VPS13D: variants seen among roughly 807,000 people sequenced by gnomAD.
VPS13D encodes the protein intermembrane lipid transfer protein VPS13D.
Under a neutral mutation model 461.9 loss-of-function variants are expected in VPS13D, and 187 were observed. The ratio of observed to expected loss-of-function variants is 0.40; its 90% CI spans 0.36 to 0.46. The LOEUF (loss-of-function observed/expected upper bound fraction) is 0.46, where lower values mean the gene tolerates loss of function less well. Among genes scored for constraint, VPS13D ranks in the 20% least tolerant of loss-of-function variants. The pLI, the probability that VPS13D is intolerant of heterozygous loss-of-function variation, is 0.60. For missense variants in VPS13D, 4,711 were observed against 5,364.9 expected (o/e 0.88, Z 3.81); for synonymous variants, 1,951 against 1,986.3 (o/e 0.98, Z 0.47).
chr1:12,400,962 G>GCACACA lies in VPS13D; in HGVS notation c.11785-609_11785-604dup, dbSNP rs55998605. Reference sequence around the variant, plus strand: ...GAGTGAGATGTGCACCTGCGCGCGCGCACACACACACACACACACACACAC... The same window carrying GCACACA: ...GAGTGAGATGTGCACCTGCGCGCGCGCACACACACACACACACACACACACACACAC... On this transcript the variant is annotated intron_variant, in intron 61 of 69. Coordinates refer to ENST00000620676, the MANE Select transcript of VPS13D (RefSeq NM_015378.4). Among the ~76,000 whole-genome samples, 694 of 106,258 alleles carry GCACACA rather than the reference G, an allele frequency of 6.5e-3. 4 individuals carry two copies. Among genetic ancestry groups the GCACACA allele is most frequent in the Admixed American group, 0.014 (159 of 11,090 alleles). 69.7% of individuals were successfully genotyped at this position (106,258 alleles called of 152,430 possible). A position where few individuals can be genotyped will look rare whatever the true frequency, so the allele number is the denominator to read the frequency against.
At chr1:12,441,978 A>G (rs1399424569) in intron 65 of VPS13D, among the ~76,000 whole-genome samples, 2 of 151,832 alleles carry the variant, frequency 1.3e-5, no homozygotes, top group African/African-American at 4.8e-5. Flanking sequence ...TGTTATTGTC[A>G]TGTATTTTAG....
chr1:12,312,780 A>G (rs1642790650), intron 29 of VPS13D, among the ~76,000 whole-genome samples: 1 of 152,124 alleles, frequency 6.6e-6, no homozygotes, highest in Non-Finnish European at 1.5e-5. Flanking sequence ...AAGTTGCAGG[A>G]TTTTATATAA....
At chr1:12,271,830 T>C (rs1298845263) in intron 17 of VPS13D, among the ~76,000 whole-genome samples, 1 of 152,218 alleles carries the variant, frequency 6.6e-6, no homozygotes, top group Non-Finnish European at 1.5e-5. Flanking sequence ...ATTAGGTACT[T>C]TGTGATGCCA....
chr1:12,377,596 G>T (rs1295617268), intron 55 of VPS13D, among the ~76,000 whole-genome samples: 1 of 151,706 alleles, frequency 6.6e-6, no homozygotes, highest in African/African-American at 2.4e-5. Flanking sequence ...GAGGCAGACA[G>T]ATCACCTGAG....
intron 13 of VPS13D, among the ~76,000 whole-genome samples, chr1:12,264,052 A>G (rs1641194266): frequency 6.6e-6 from 1 of 152,186 alleles, no homozygotes; most frequent in Middle Eastern, 3.4e-3. Flanking sequence ...TTCCATTATT[A>G]TTCTGTCTCT....
intron 63 of VPS13D, among the ~76,000 whole-genome samples, chr1:12,414,658 G>A (rs1284312726): frequency 6.6e-6 from 1 of 152,190 alleles, no homozygotes; most frequent in Non-Finnish European, 1.5e-5. Context: ...CTGCTTCCAA[G>A]ATGGGGATAA....
At chr1:12,245,194 T>G (rs1406527363) in intron 5 of VPS13D, among the ~76,000 whole-genome samples, 1 of 152,228 alleles carries the variant, frequency 6.6e-6, no homozygotes, top group Admixed American at 6.5e-5. Context: ...TTTTGTTTCA[T>G]CCTCAAAAAC....
chr1:12,342,017 C>A, intron 41 of VPS13D, 132 bp downstream of exon 41: 1 of 744,196 alleles, frequency 1.3e-6, no homozygotes, highest in Non-Finnish European at 2.1e-6. Flanking sequence ...TGCTGTCTTG[C>A]TGAGATTTAT....
At position 12,333,292 on chromosome 1, in the gene VPS13D, T is replaced by A; in HGVS notation, c.8354T>A (p.Leu2785His). 1.2e-6 allele frequency: 2 copies of A among 1,614,148 alleles called. No individual in the cohort carries two copies. Among genetic ancestry groups the A allele is most frequent in the Non-Finnish European group, 1.7e-6 (2 of 1,179,986 alleles). ...TGGCAACAGCAGGCAGCTAGTCGTC[T>A]CCATCCTCCTCGACTGAAGCTAGAA... ...VSWQQQAASR[L>H]HPPRLKLEAK... The change falls in exon 38 of 70, where the codon CTC becomes CAC. Residue 2785 changes from leucine (L) to histidine (H), a missense_variant. This residue lies in a region of VPS13D where 4,411 missense variants were observed against 4,937.8 expected (regional missense o/e 0.89). Coordinates refer to ENST00000620676, the MANE Select transcript of VPS13D (RefSeq NM_015378.4).
At chr1:12,433,540 C>T (rs936543481) in intron 65 of VPS13D, among the ~76,000 whole-genome samples, 1 of 152,184 alleles carries the variant, frequency 6.6e-6, no homozygotes, top group African/African-American at 2.4e-5. Context: ...CCTGCCCTCC[C>T]GATGAACCCG....
At chr1:12,478,521 TAA>T (rs1263733809) in intron 67 of VPS13D, 9 of 293,156 alleles carry the variant, frequency 3.1e-5, no homozygotes, top group Admixed American at 2.4e-4. Context: ...CAAAAGTTTA[TAA>T]AGAGTCGAGG....
intron 66 of VPS13D, among the ~76,000 whole-genome samples, chr1:12,459,019 A>G (rs1645368025): frequency 6.6e-6 from 1 of 152,230 alleles, no homozygotes; most frequent in African/African-American, 2.4e-5. Context: ...ACCGAATTTC[A>G]TCAAAGCATG....
At chr1:12,417,248 G>A (rs969203567) in intron 65 of VPS13D, among the ~76,000 whole-genome samples, 4 of 152,204 alleles carry the variant, frequency 2.6e-5, no homozygotes, top group African/African-American at 9.7e-5. Flanking sequence ...CTTCTATAAT[G>A]ACAACAACCT....
At chr1:12,467,589 CT>C (rs1248927836) in intron 67 of VPS13D, among the ~76,000 whole-genome samples, 11 of 152,214 alleles carry the variant, frequency 7.2e-5, no homozygotes, top group Non-Finnish European at 1.3e-4. Flanking sequence ...TTCCCTCTCG[CT>C]GAACTCTAAA....
At chr1:12,329,777 A>G (rs1643282726) in intron 36 of VPS13D, 52 bp from the exon 37 acceptor site, 10 of 1,414,742 alleles carry the variant, frequency 7.1e-6, no homozygotes, top group South Asian at 7.0e-5. Flanking sequence ...AGCAAAAGGC[A>G]GTTTTGGTTG....
chr1:12,474,329 G>A (rs1445458865), intron 67 of VPS13D, among the ~76,000 whole-genome samples: 3 of 152,088 alleles, frequency 2.0e-5, no homozygotes, highest in African/African-American at 4.8e-5. Context: ...TTTTCCAGAC[G>A]CATGACAGTC....
rs777025400 is a variant in VPS13D, at chr1:12,358,563, T to A, written c.10103T>A (p.Ile3368Asn). ...AGTGGTGTCCGAGCTTTGAAAGTCA[T>A]CCAGCAAGGAAACCGCCCAGGGCTG... Reference protein sequence around the residue: ...GGSGVRALKVIQQGNRPGLIY... With the variant: ...GGSGVRALKVNQQGNRPGLIY... The change falls in exon 50 of 70, where the codon ATC (isoleucine) becomes AAC (asparagine). Residue 3368 changes from isoleucine (I) to asparagine (N), a missense_variant. Coordinates refer to ENST00000620676, the MANE Select transcript of VPS13D (RefSeq NM_015378.4). 1 of 1,614,158 alleles carries A rather than the reference T, an allele frequency of 6.2e-7. No individual in the cohort carries two copies. The highest frequency in any genetic ancestry group is 8.5e-7 in the Non-Finnish European group (1 of 1,180,034).
chr1:12,317,119 G>A (rs1383529694), intron 30 of VPS13D, among the ~76,000 whole-genome samples: 1 of 151,224 alleles, frequency 6.6e-6, no homozygotes, highest in South Asian at 2.1e-4. Flanking sequence ...TTCAATTAGA[G>A]AAACAATCTA....
intron 68 of VPS13D, among the ~76,000 whole-genome samples, chr1:12,500,933 A>G (rs1161825759): frequency 2.6e-5 from 4 of 151,640 alleles, no homozygotes; most frequent in Non-Finnish European, 4.4e-5. Flanking sequence ...ACACACCTCT[A>G]TCCCCAGCTA....
Sources: allele counts gnomAD v4.1 joint callset (sites outside exome capture counted in the v4.1 genomes callset), GRCh38; gene constraint gnomAD v4.1.1; regional missense constraint gnomAD v4.1.1; transcripts MANE v1.5; gene names NCBI Gene and HGNC (gene_info 2026-07-23, HGNC 2026-07-21).